Variants in SEC24B observed in about 807,000 individuals in gnomAD.
The protein encoded by SEC24B is SEC24 homolog B, COPII component.
Under a neutral mutation model 142.8 loss-of-function variants are expected in SEC24B, and 45 were observed. The observed-to-expected ratio is 0.32, with a 90% CI of 0.25 to 0.40. The LOEUF is 0.40. Ranked by LOEUF, SEC24B falls within the 10% of genes least tolerant of loss-of-function variation. The probability of loss-of-function intolerance (pLI) is 1.00; values close to 1 mark genes in which losing one functional copy is unlikely to be tolerated. For synonymous variants in SEC24B, 574 were observed against 568.2 expected (o/e 1.01, Z -0.15); for missense variants, 1,409 against 1,526.8 (o/e 0.92, Z 1.29).
chr4:109,507,414 C>T (rs1736811428), intron 7 of SEC24B, among the ~76,000 whole-genome samples: 2 of 149,940 alleles, frequency 1.3e-5, no homozygotes, highest in South Asian at 2.1e-4. Flanking sequence ...GCTGAGATTA[C>T]GGGTGTGCAC....
chr4:109,524,858 A>G lies in SEC24B; in HGVS notation c.2549A>G (p.Lys850Arg). 6.2e-7 allele frequency: 1 copy of G among 1,612,514 alleles called. No individual in the cohort carries two copies. Among genetic ancestry groups the G allele is most frequent in the Non-Finnish European group, 8.5e-7 (1 of 1,179,114 alleles). The change falls in exon 15 of 24, where the codon AAA (lysine) becomes AGA (arginine). Residue 850 changes from lysine to arginine, a missense_variant. By Grantham distance (26) the Lys-to-Arg change is conservative. Coordinates refer to ENST00000265175, the MANE Select transcript of SEC24B (RefSeq NM_006323.5). Reference sequence around the variant, plus strand: ...GGCCCTGCAACTGATTTTTATAAGAAACTTGCATTAGATTGCTCGGGACAG... The same window carrying G: ...GGCCCTGCAACTGATTTTTATAAGAGACTTGCATTAGATTGCTCGGGACAG... The part of the protein sequence containing the change: ...HLGPATDFYK[K>R]LALDCSGQQT...
At chr4:109,506,192 A>T in intron 6 of SEC24B, 136 bp from the exon 7 acceptor site, 1 of 485,656 alleles carries the variant, frequency 2.1e-6, no homozygotes, top group Non-Finnish European at 3.3e-6. Context: ...AGTGTGCTTT[A>T]GATTGACTGC....
intron 8 of SEC24B, among the ~76,000 whole-genome samples, chr4:109,511,229 G>A (rs540475073): frequency 6.6e-6 from 1 of 151,776 alleles, no homozygotes; most frequent in Non-Finnish European, 1.5e-5. Flanking sequence ...CATCTTCTGT[G>A]ATATAGAGTT....
rs1209671159 is a variant in SEC24B at position 109,483,007 on chromosome 4, T to C, written c.1165+1226T>C. 2.0e-4 allele frequency among the ~76,000 whole-genome samples: 19 copies of C among 93,134 alleles called. 1 individual carries two copies. Among genetic ancestry groups the C allele is most frequent in the African/African-American group, 9.1e-4 (18 of 19,790 alleles). 61.1% of individuals were successfully genotyped at this position (93,134 alleles called of 152,430 possible). ...ACACACACACACACACACACACATA[T>C]TATACATATGTTTTTTATATATGTA... On this transcript the variant is annotated intron_variant, in intron 4 of 23. Transcript: ENST00000265175.
In SEC24B at chr4:109,524,182, T is replaced by C. The variant is rs1355620551; in HGVS notation, c.2509-636T>C. On this transcript the variant is annotated intron_variant, in intron 14 of 23. Transcript: ENST00000265175. ...CAAAAATATTCTCTATCTGTCTGCC[T>C]AGGACTCTAAAGTTTCAGTATCTGT... 4.6e-5 allele frequency among the ~76,000 whole-genome samples: 7 copies of C among 152,272 alleles called. No homozygotes were observed. The South Asian group carries it at 1.5e-3, about 32-fold the overall frequency.
At chr4:109,529,379 A>G (rs906292615) in intron 18 of SEC24B, among the ~76,000 whole-genome samples, 1 of 152,160 alleles carries the variant, frequency 6.6e-6, no homozygotes, top group Non-Finnish European at 1.5e-5. Context: ...TGAATTAATT[A>G]TGCCATAACC....
intron 4 of SEC24B, among the ~76,000 whole-genome samples, chr4:109,483,152 T>C (rs1460048916): frequency 6.7e-6 from 1 of 150,006 alleles, no homozygotes; most frequent in African/African-American, 2.5e-5. Context: ...CGATCTCGGC[T>C]CACTGCAAGC....
At position 109,510,128 on chromosome 4, in the gene SEC24B, TA is replaced by T; in HGVS notation, c.1776+19del. 1 of 1,430,804 alleles carries T rather than the reference TA, an allele frequency of 7.0e-7. No homozygotes were observed. Among genetic ancestry groups the T allele is most frequent in the Non-Finnish European group, 9.7e-7 (1 of 1,027,458 alleles). The allele number at this position is 1,430,804 out of a possible 1,614,324, so 88.6% of individuals were successfully genotyped here. The stretch of plus-strand genomic sequence containing the variant: ...GACCTAACGGTAAAGTAACATTTTA[TA>T]ATATTTATGGGTACTGACATGTATG... On this transcript the variant is annotated intron_variant, in intron 8 of 23. Transcript: ENST00000265175.
chr4:109,484,846 T>A (rs1226769128), intron 4 of SEC24B, among the ~76,000 whole-genome samples: 1 of 141,442 alleles, frequency 7.1e-6, no homozygotes, highest in Non-Finnish European at 1.5e-5. Context: ...AGTGAGACTC[T>A]GTCTCAAAAA....
chr4:109,507,318 A>C (rs1736797604), intron 7 of SEC24B, among the ~76,000 whole-genome samples: 1 of 145,794 alleles, frequency 6.9e-6, no homozygotes, highest in Admixed American at 7.0e-5. Flanking sequence ...TCTGTCACCC[A>C]GGCTGGAGTG....
chr4:109,530,952 A>G (rs1724864674), intron 19 of SEC24B, among the ~76,000 whole-genome samples: 1 of 151,970 alleles, frequency 6.6e-6, no homozygotes, highest in Admixed American at 6.6e-5. Context: ...AGGTATACAA[A>G]TACATGATGA....
intron 2 of SEC24B, among the ~76,000 whole-genome samples, chr4:109,464,205 C>A (rs553598369): frequency 6.6e-6 from 1 of 152,128 alleles, no homozygotes; most frequent in African/African-American, 2.4e-5. Flanking sequence ...ATGAAGAATA[C>A]CCTGGTATTC....
chr4:109,455,057 G>A (rs191899209), intron 1 of SEC24B, among the ~76,000 whole-genome samples: 34 of 152,214 alleles, frequency 2.2e-4, no homozygotes, highest in Admixed American at 6.5e-4. Flanking sequence ...CTATCTTTGG[G>A]TCTACACGTT....
In SEC24B at chr4:109,534,047, C is replaced by CT. The variant is rs768037586; in HGVS notation, c.3588+376dup. On this transcript the variant is annotated intron_variant, in intron 22 of 23. Coordinates refer to ENST00000265175, the MANE Select transcript of SEC24B (RefSeq NM_006323.5). ...GATGTTGTAGCTTATATTAGTAGTT[C>CT]TTTTTTTTTTTTTTAGACAGAGTCT... 4.1e-3 allele frequency among the ~76,000 whole-genome samples: 576 copies of CT among 141,684 alleles called. 6 individuals are homozygous for CT. The highest frequency in any genetic ancestry group is 0.012 in the African/African-American group (465 of 39,148). The allele number at this position is 141,684 out of a possible 152,430, so 93.0% of individuals were successfully genotyped here.
chr4:109,511,356 A>G (rs1250944579), intron 8 of SEC24B, among the ~76,000 whole-genome samples: 1 of 152,172 alleles, frequency 6.6e-6, no homozygotes, highest in East Asian at 1.9e-4. Flanking sequence ...AAATACAAAG[A>G]TCAAAATGTT....
At chr4:109,455,997 C>A (rs771411250) in intron 1 of SEC24B, among the ~76,000 whole-genome samples, 1 of 152,134 alleles carries the variant, frequency 6.6e-6, no homozygotes, top group East Asian at 1.9e-4. Context: ...AATATCAAGT[C>A]TTCTAATCCA....
At chr4:109,449,825 A>G (rs984910641) in intron 1 of SEC24B, among the ~76,000 whole-genome samples, 1 of 152,172 alleles carries the variant, frequency 6.6e-6, no homozygotes, top group African/African-American at 2.4e-5. Context: ...AGTCCATAAT[A>G]GAGGGATGTC....
At chr4:109,450,619 C>T (rs1028374377) in intron 1 of SEC24B, among the ~76,000 whole-genome samples, 1 of 146,130 alleles carries the variant, frequency 6.8e-6, no homozygotes, top group Admixed American at 6.9e-5. Flanking sequence ...GATCACGCCA[C>T]TGCACTCCAA....
intron 22 of SEC24B, 40 bp from the exon 23 acceptor site, chr4:109,538,453 A>T: frequency 7.3e-7 from 1 of 1,377,234 alleles, no homozygotes. Flanking sequence ...GCTGAAGTCT[A>T]TGAGAAAGGA....
Sources: gnomAD v4.1 joint callset for allele counts (sites outside exome capture counted in the v4.1 genomes callset) on GRCh38, gnomAD v4.1.1 for gene constraint, MANE v1.5 for transcripts, NCBI Gene and HGNC (gene_info 2026-07-23, HGNC 2026-07-21) for gene names.